The following CLSPN variants were observed in gnomAD, a reference collection of about 807,000 sequenced individuals.
CLSPN encodes claspin homolog.
A neutral mutation model predicts 156.3 loss-of-function variants in CLSPN; 85 were observed. The ratio of observed to expected loss-of-function variants is 0.54; its 90% CI spans 0.46 to 0.65. The LOEUF (loss-of-function observed/expected upper bound fraction) is 0.65. Ranked by LOEUF, CLSPN falls within the 30% of genes least tolerant of loss-of-function variation. The probability of loss-of-function intolerance (pLI) is 0.00; values close to 1 mark genes in which losing one functional copy is unlikely to be tolerated. For missense variants in CLSPN, 1,407 were observed against 1,554.9 expected (o/e 0.90, Z 1.60); for synonymous variants, 534 against 542.4 (o/e 0.98, Z 0.22).
Position 35,732,900 on chromosome 1 carries a change from T to G in CLSPN, c.*3596A>C, listed in dbSNP as rs1169563253. 2 of 985,330 alleles carry G rather than the reference T, an allele frequency of 2.0e-6. No homozygotes were observed. The highest frequency in any genetic ancestry group is 1.2e-4 in the Admixed American group (2 of 16,264). 61.0% of individuals were successfully genotyped at this position (985,330 alleles called of 1,614,324 possible). On this transcript the variant is annotated 3_prime_UTR_variant, in exon 25 of 25. Transcript: ENST00000318121. ...GCATAAGGAAAAGTAACCCAGAGTT[T>G]GACTCAAGTTTTCTTTCTCCAAAGA...
chr1:35,723,191 G>A (rs764590481), intron 24 of CLSPN, among the ~76,000 whole-genome samples: 6 of 152,226 alleles, frequency 3.9e-5, no homozygotes, highest in Middle Eastern at 3.2e-3. Context: ...AAGTGAAAGG[G>A]TATCTGTGGC....
At position 35,769,858 on chromosome 1, in the gene CLSPN, C is replaced by T. The variant is rs746960137; in HGVS notation, c.13G>A (p.Val5Met). ...GTGCATAAACTCACCTCAGAACCCACCTCGCCTGTCATGACTTCTGCCTCC... is the reference window on the plus strand; with the variant it reads ...GTGCATAAACTCACCTCAGAACCCATCTCGCCTGTCATGACTTCTGCCTCC... Reference protein sequence around the residue: MTGEVGSEVHLEIND... With the variant: MTGEMGSEVHLEIND... The change falls in exon 1 of 25, where the codon GTG becomes ATG. Residue 5 changes from valine (V) to methionine (M), a missense_variant. Around this residue, in one of 3 missense-constraint regions of CLSPN, gnomAD observed 1,096 missense variants for 1,193.0 expected, o/e 0.92. Transcript: ENST00000318121. 3 of 1,608,552 alleles carry T rather than the reference C, an allele frequency of 1.9e-6. No homozygotes were observed. Among genetic ancestry groups the T allele is most frequent in the East Asian group, 2.2e-5 (1 of 44,504 alleles).
chr1:35,724,350 C>T (rs1641134023), intron 24 of CLSPN, among the ~76,000 whole-genome samples: 1 of 152,086 alleles, frequency 6.6e-6, no homozygotes, highest in Non-Finnish European at 1.5e-5. Flanking sequence ...AGGAAACACC[C>T]CGTAGGCCAG....
intron 3 of CLSPN, 67 bp from the exon 4 acceptor site, chr1:35,763,388 T>C (rs894660100): frequency 1.5e-5 from 19 of 1,238,100 alleles, no homozygotes; most frequent in Admixed American, 2.7e-5. Context: ...CAACATCATA[T>C]GGCAATTTGG....
chr1:35,743,582 A>G, intron 16 of CLSPN, 52 bp from the exon 17 acceptor site: 3 of 1,433,066 alleles, frequency 2.1e-6, no homozygotes, highest in Non-Finnish European at 2.9e-6. Flanking sequence ...GCAAACTACA[A>G]GTAGTCAGCC....
At position 35,768,367 on chromosome 1, in the gene CLSPN, C is replaced by CA. The variant is rs34205153; in HGVS notation, c.24+1479dup. ...TGGGCAACAGAGCGAGACTCCGTCT[C>CA]AAAAAAAAAAAAATTATTAAATTGA... is the stretch of plus-strand genomic sequence containing the variant. On this transcript the variant is annotated intron_variant, in intron 1 of 24. Coordinates refer to ENST00000318121, the MANE Select transcript of CLSPN (RefSeq NM_022111.4). 9.1e-4 allele frequency among the ~76,000 whole-genome samples: 131 copies of CA among 144,286 alleles called. 2 individuals carry two copies. Among genetic ancestry groups the CA allele is most frequent in the Middle Eastern group, 3.5e-3 (1 of 284 alleles). The allele number at this position is 144,286 out of a possible 152,430, so 94.7% of individuals were successfully genotyped here. A position where few individuals can be genotyped will look rare whatever the true frequency, so the allele number is the denominator to read the frequency against.
At chr1:35,766,735 C>T (rs1007324603) in intron 1 of CLSPN, among the ~76,000 whole-genome samples, 16 of 151,940 alleles carry the variant, frequency 1.1e-4, no homozygotes, top group African/African-American at 3.9e-4. Context: ...TGAGCCACCA[C>T]GCCCGGCTAT....
At chr1:35,739,606 C>T in intron 18 of CLSPN, 77 bp from the exon 19 acceptor site, 1 of 1,071,038 alleles carries the variant, frequency 9.3e-7, no homozygotes, top group Admixed American at 2.3e-5. Context: ...AAAAGCAGAA[C>T]AGAGTCACTT....
intron 9 of CLSPN, among the ~76,000 whole-genome samples, chr1:35,752,567 G>C (rs1642128360): frequency 7.2e-6 from 1 of 139,078 alleles, no homozygotes; most frequent in African/African-American, 2.8e-5. Context: ...GACAGTGCAG[G>C]ACTCTGTCTT....
At chr1:35,730,567 TAAAAAAAA>T (rs56320150), downstream of CLSPN, among the ~76,000 whole-genome samples, 8 of 62,032 alleles carry the variant, frequency 1.3e-4, no homozygotes, top group East Asian at 1.4e-3. Context: ...GAATCCATAT[TAAAAAAAA>T]AAAAAAAAAA....
intron 18 of CLSPN, among the ~76,000 whole-genome samples, chr1:35,741,412 G>A (rs756155855): frequency 2.0e-5 from 3 of 152,028 alleles, no homozygotes; most frequent in Non-Finnish European, 2.9e-5. Flanking sequence ...TCCACCTCCC[G>A]GTTCAAGCGA....
At chr1:35,727,151 C>T (rs966368723), downstream of CLSPN, among the ~76,000 whole-genome samples, 1 of 152,160 alleles carries the variant, frequency 6.6e-6, no homozygotes, top group African/African-American at 2.4e-5. Flanking sequence ...GCTTGGATTT[C>T]CCAGGAAGCC....
At chr1:35,737,112 G>C (rs374015875) in intron 23 of CLSPN, 37 bp from the exon 24 acceptor site, 55 of 1,599,606 alleles carry the variant, frequency 3.4e-5, no homozygotes, top group Non-Finnish European at 4.3e-5. Flanking sequence ...CAAATCCCAA[G>C]TGCCAACTAA....
chr1:35,768,932 T>C (rs1032545061), intron 1 of CLSPN, among the ~76,000 whole-genome samples: 1 of 152,120 alleles, frequency 6.6e-6, no homozygotes, highest in Non-Finnish European at 1.5e-5. Context: ...TAATGCAATA[T>C]TTTTTAAAAA....
chr1:35,736,485 C>T lies in CLSPN; in HGVS notation c.*11G>A. On this transcript the variant is annotated 3_prime_UTR_variant, in exon 25 of 25. Transcript: ENST00000318121. Reference sequence around the variant, plus strand: ...GCAGTCTCAATGTAGATTTTGGCACCTTTGATGGTGTTAGCTCTCCAAATA... The same window carrying T: ...GCAGTCTCAATGTAGATTTTGGCACTTTTGATGGTGTTAGCTCTCCAAATA... 6.3e-7 allele frequency: 1 copy of T among 1,576,456 alleles called. No homozygotes were observed. Among genetic ancestry groups the T allele is most frequent in the South Asian group, 1.2e-5 (1 of 83,414 alleles).
intron 18 of CLSPN, among the ~76,000 whole-genome samples, chr1:35,742,241 T>C (rs1312161918): frequency 6.6e-6 from 1 of 152,184 alleles, no homozygotes; most frequent in African/African-American, 2.4e-5. Context: ...TAGGGGAGAT[T>C]TCACCTAATC....
chr1:35,754,690 G>A (rs1459683899), intron 8 of CLSPN, among the ~76,000 whole-genome samples: 2 of 152,086 alleles, frequency 1.3e-5, no homozygotes, highest in African/African-American at 2.4e-5. Context: ...TTTTTTTCAA[G>A]AAGGGAAAAT....
intron 8 of CLSPN, 56 bp from the exon 9 acceptor site, chr1:35,753,992 TAA>T: frequency 6.6e-7 from 1 of 1,523,784 alleles, no homozygotes; most frequent in South Asian, 1.2e-5. Context: ...CTCTTTCCTT[TAA>T]GACTTATAAG....
intron 16 of CLSPN, 141 bp downstream of exon 16, chr1:35,745,310 A>T (rs908815168): frequency 1.6e-6 from 1 of 614,550 alleles, no homozygotes; most frequent in South Asian, 1.9e-5. Flanking sequence ...CCAAAGCATT[A>T]TAATTTGCTT....
Sources: allele counts gnomAD v4.1 joint callset (sites outside exome capture counted in the v4.1 genomes callset), GRCh38; gene constraint gnomAD v4.1.1; regional missense constraint gnomAD v4.1.1; transcripts MANE v1.5; gene names NCBI Gene and HGNC (gene_info 2026-07-23, HGNC 2026-07-21).